FAM178B: variants seen among roughly 807,000 people sequenced by gnomAD.
FAM178B encodes family with sequence similarity 178 member B.
A neutral mutation model predicts 91.7 loss-of-function variants in FAM178B; 82 were observed. The ratio of observed to expected loss-of-function variants is 0.89; its 90% CI spans 0.75 to 1.07. FAM178B has a LOEUF of 1.07. FAM178B is among the 50% of genes least tolerant of loss of function. The pLI is 0.00. For missense variants in FAM178B, 769 were observed against 846.7 expected (o/e 0.91, Z 1.14); for synonymous variants, 368 against 359.4 (o/e 1.02, Z -0.27).
At chr2:96,953,957 G>T (rs1159645412) in intron 6 of FAM178B, among the ~76,000 whole-genome samples, 1 of 152,222 alleles carries the variant, frequency 6.6e-6, no homozygotes, top group Admixed American at 6.5e-5. Context: ...AAAAGGAAAG[G>T]GGGTGGGAGG....
chr2:96,921,616 G>C lies in FAM178B; in HGVS notation c.1326C>G (p.Tyr442Ter). The C allele has an allele frequency of 1.9e-6, 3 of 1,551,676 alleles. No individual in the cohort carries two copies. In the East Asian group the frequency reaches 7.3e-5, roughly 38 times the overall value. The change falls in exon 11 of 17, where the codon TAC (tyrosine) becomes TAG (stop). Residue 442 changes from tyrosine (Y) to a stop codon, truncating the protein, a stop_gained. Coordinates refer to ENST00000490605, the MANE Select transcript of FAM178B (RefSeq NM_001122646.3). LOFTEE classifies it high-confidence loss of function. ...ALCAQAQPGA[Y>*]TDENLMGLIE... The stretch of plus-strand genomic sequence containing the variant: ...TCAGTCCCATGAGGTTCTCATCAGT[G>C]TAGGCCCCCGGCTGGGCCTGGGCAC...
chr2:96,927,990 C>T (rs771622286), intron 9 of FAM178B, among the ~76,000 whole-genome samples: 17 of 152,176 alleles, frequency 1.1e-4, no homozygotes, highest in South Asian at 2.1e-4. Context: ...CATGGAGCTG[C>T]GAGCTCCGGG....
intron 14 of FAM178B, among the ~76,000 whole-genome samples, chr2:96,891,691 G>A (rs1046250792): frequency 3.9e-5 from 6 of 152,220 alleles, no homozygotes. Flanking sequence ...TCTTCCCAGA[G>A]GGAGAGGCTG....
intron 14 of FAM178B, among the ~76,000 whole-genome samples, chr2:96,890,899 G>A (rs2080662456): frequency 6.6e-6 from 1 of 152,152 alleles, no homozygotes; most frequent in Non-Finnish European, 1.5e-5. Context: ...CAAACCAGAT[G>A]TTTACTCTTC....
chr2:96,897,955 G>T, intron 13 of FAM178B: 1 of 985,398 alleles, frequency 1.0e-6, no homozygotes, highest in South Asian at 4.7e-5. Context: ...TTCAAGTTCA[G>T]TTCTCCAACG....
intron 16 of FAM178B, 56 bp from the exon 17 acceptor site, chr2:96,876,364 C>T: frequency 6.4e-7 from 1 of 1,562,034 alleles, no homozygotes; most frequent in Non-Finnish European, 8.7e-7. Context: ...CTGCCCACTG[C>T]CCTGCAGCTC....
intron 8 of FAM178B, among the ~76,000 whole-genome samples, chr2:96,938,691 C>T (rs562452694): frequency 6.6e-6 from 1 of 152,376 alleles, no homozygotes; most frequent in African/African-American, 2.4e-5. Flanking sequence ...ATAACTAAAA[C>T]TAAAAGCAAA....
chr2:96,910,003 A>G (rs1338504472), intron 12 of FAM178B, among the ~76,000 whole-genome samples: 1 of 152,146 alleles, frequency 6.6e-6, no homozygotes, highest in Non-Finnish European at 1.5e-5. Context: ...GCATTCCTTC[A>G]TGCCGAACCC....
intron 9 of FAM178B, among the ~76,000 whole-genome samples, chr2:96,924,109 T>C (rs2081393955): frequency 6.6e-6 from 1 of 152,170 alleles, no homozygotes. Flanking sequence ...GGGGGACACA[T>C]GGAGGGGGGC....
intron 13 of FAM178B, among the ~76,000 whole-genome samples, chr2:96,897,199 T>TC (rs906489927): frequency 6.6e-6 from 1 of 151,534 alleles, no homozygotes; most frequent in Non-Finnish European, 1.5e-5. Context: ...TATCACCTAT[T>TC]CCCCCCCACT....
intron 13 of FAM178B, among the ~76,000 whole-genome samples, chr2:96,899,751 G>A (rs897345901): frequency 1.3e-5 from 2 of 150,710 alleles, no homozygotes; most frequent in African/African-American, 4.9e-5. Flanking sequence ...TTTACTTTTT[G>A]TAAAGAACTC....
At chr2:96,972,474 T>G in intron 2 of FAM178B, 64 bp downstream of exon 2, 1 of 1,529,144 alleles carries the variant, frequency 6.5e-7, no homozygotes, top group Non-Finnish European at 8.9e-7. Context: ...AGCCATGGGC[T>G]CTCCACTTCC....
chr2:96,880,935 G>GCC (rs1440879385), intron 14 of FAM178B, among the ~76,000 whole-genome samples: 1 of 152,122 alleles, frequency 6.6e-6, no homozygotes, highest in African/African-American at 2.4e-5. Context: ...GTAATTGGCT[G>GCC]AACCTAACTG....
In FAM178B at chr2:96,876,088, G is replaced by C. The variant is rs542710137; in HGVS notation, c.*188C>G. On this transcript the variant is annotated 3_prime_UTR_variant, in exon 17 of 17. Coordinates refer to ENST00000490605, the MANE Select transcript of FAM178B (RefSeq NM_001122646.3). ...CCTTGCTGAGAGGAGAGGGGGTCGGGGCGGTGGCAGAGGCAGGCTCTTGCA... is the reference window on the plus strand; with the variant it reads ...CCTTGCTGAGAGGAGAGGGGGTCGGCGCGGTGGCAGAGGCAGGCTCTTGCA... The C allele has an allele frequency of 3.3e-6, 2 of 611,304 alleles. No homozygotes were observed. The highest frequency in any genetic ancestry group is 5.9e-5 in the Admixed American group (2 of 34,188). 37.9% of individuals were successfully genotyped at this position (611,304 alleles called of 1,614,324 possible).
At chr2:96,968,158 C>T (rs1324665992) in intron 4 of FAM178B, among the ~76,000 whole-genome samples, 1 of 151,858 alleles carries the variant, frequency 6.6e-6, no homozygotes. Flanking sequence ...GGAAAGATCT[C>T]GTGCCCTGGC....
At chr2:96,934,100 G>C (rs1574270664) in intron 8 of FAM178B, among the ~76,000 whole-genome samples, 1 of 152,328 alleles carries the variant, frequency 6.6e-6, no homozygotes, top group African/African-American at 2.4e-5. Context: ...TGTTCTAAAT[G>C]CCAGGGACCC....
chr2:96,898,179 T>A (rs1366251775), intron 13 of FAM178B: 20 of 943,692 alleles, frequency 2.1e-5, no homozygotes, highest in Non-Finnish European at 2.5e-5. Flanking sequence ...CCAGCACTTG[T>A]GCACTGATGA....
chr2:96,876,457 T>A, intron 16 of FAM178B, 149 bp from the exon 17 acceptor site: 1 of 968,926 alleles, frequency 1.0e-6, no homozygotes, highest in Non-Finnish European at 1.5e-6. Flanking sequence ...TTCACACTAC[T>A]GGCGAGGACA....
intron 1 of FAM178B, among the ~76,000 whole-genome samples, chr2:96,981,799 G>T (rs1196570395): frequency 2.0e-5 from 3 of 151,386 alleles, no homozygotes; most frequent in Non-Finnish European, 4.4e-5. Flanking sequence ...GGGCACAGGG[G>T]CTCACACCTG....
Sources: allele counts gnomAD v4.1 joint callset (sites outside exome capture counted in the v4.1 genomes callset), GRCh38; gene constraint gnomAD v4.1.1; transcripts MANE v1.5; gene names NCBI Gene and HGNC (gene_info 2026-07-23, HGNC 2026-07-21).